AMOTL1: variants seen among roughly 807,000 people sequenced by gnomAD.
AMOTL1 encodes the protein angiomotin like 1.
A neutral mutation model predicts 102.9 loss-of-function variants in AMOTL1; 45 were observed. That is an observed-to-expected ratio of 0.44 (90% confidence interval 0.34 to 0.56). The LOEUF is 0.56. Among genes scored for constraint, AMOTL1 ranks in the 20% least tolerant of loss-of-function variants. The pLI, the probability that AMOTL1 is intolerant of heterozygous loss-of-function variation, is 0.01. For missense variants in AMOTL1, 1,114 were observed against 1,225.6 expected (o/e 0.91, Z 1.36); for synonymous variants, 481 against 484.7 (o/e 0.99, Z 0.10).
intron 1 of AMOTL1, among the ~76,000 whole-genome samples, chr11:94,718,493 T>A (rs1950128987): frequency 6.6e-6 from 1 of 152,020 alleles, no homozygotes; most frequent in African/African-American, 2.4e-5. Flanking sequence ...GATGTGGGGA[T>A]GTGCCAAATT....
intron 1 of AMOTL1, among the ~76,000 whole-genome samples, chr11:94,769,147 G>A (rs1268705113): frequency 6.6e-6 from 1 of 152,234 alleles, no homozygotes; most frequent in East Asian, 1.9e-4. Context: ...CCCCAGACAA[G>A]TTTCTTTGAC....
intron 11 of AMOTL1, among the ~76,000 whole-genome samples, chr11:94,867,318 G>A (rs1952904275): frequency 6.6e-6 from 1 of 152,202 alleles, no homozygotes; most frequent in Non-Finnish European, 1.5e-5. Flanking sequence ...CTGTCCCAAG[G>A]ACATTTAGCT....
At chr11:94,745,740 GC>G (rs1950583185) in intron 3 of AMOTL1, among the ~76,000 whole-genome samples, 1 of 152,154 alleles carries the variant, frequency 6.6e-6, no homozygotes, top group Non-Finnish European at 1.5e-5. Context: ...TTCAGGAAGT[GC>G]TTTTATTTTA....
At chr11:94,735,683 G>A (rs1283311037) in intron 2 of AMOTL1, among the ~76,000 whole-genome samples, 6 of 151,976 alleles carry the variant, frequency 3.9e-5, no homozygotes, top group Non-Finnish European at 5.9e-5. Flanking sequence ...TAAACAATTC[G>A]TATACACATT....
At chr11:94,769,541 TCTTC>T (rs1950914336) in intron 1 of AMOTL1, among the ~76,000 whole-genome samples, 1 of 152,236 alleles carries the variant, frequency 6.6e-6, no homozygotes, top group Admixed American at 6.5e-5. Flanking sequence ...CCCACCCTAC[TCTTC>T]CTATCTTTAC....
In AMOTL1 at chr11:94,829,413, A is replaced by AGG. The variant is rs1290427927; in HGVS notation, c.1414-636_1414-635dup. ...AATATTTGTATTTTTAGTAGAGGCAAGGTTTCACCATGTTGGCCAGACTGC... is the reference window on the plus strand; with the variant it reads ...AATATTTGTATTTTTAGTAGAGGCAAGGGGTTTCACCATGTTGGCCAGACTGC... On this transcript the variant is annotated intron_variant, in intron 4 of 12. Coordinates refer to ENST00000433060, the MANE Select transcript of AMOTL1 (RefSeq NM_130847.3). Among the ~76,000 whole-genome samples, 24 of 152,064 alleles carry AGG rather than the reference A, an allele frequency of 1.6e-4. No individual in the cohort carries two copies. The East Asian group carries it at 4.6e-3, about 29-fold the overall frequency.
At chr11:94,830,432 G>C (rs1952047717) in intron 5 of AMOTL1, among the ~76,000 whole-genome samples, 1 of 152,228 alleles carries the variant, frequency 6.6e-6, no homozygotes, top group Non-Finnish European at 1.5e-5. Context: ...CTGTATGCAT[G>C]AGTCTATCAA....
At chr11:94,774,126 A>G (rs1364310268) in intron 1 of AMOTL1, among the ~76,000 whole-genome samples, 1 of 152,242 alleles carries the variant, frequency 6.6e-6, no homozygotes, top group Non-Finnish European at 1.5e-5. Flanking sequence ...GCAGAGAAGC[A>G]AAACACTTTA....
upstream of AMOTL1, among the ~76,000 whole-genome samples, chr11:94,764,382 A>G (rs1376075008): frequency 4.6e-5 from 7 of 152,184 alleles, no homozygotes; most frequent in African/African-American, 1.7e-4. Flanking sequence ...AAATTTTTAC[A>G]TGCTTTGGTT....
intron 1 of AMOTL1, among the ~76,000 whole-genome samples, chr11:94,716,031 G>T (rs1019003198): frequency 1.3e-5 from 2 of 151,994 alleles, no homozygotes; most frequent in African/African-American, 4.8e-5. Context: ...GAGCCTCTGA[G>T]GCTCTGTTAA....
intron 11 of AMOTL1, among the ~76,000 whole-genome samples, chr11:94,867,067 T>C (rs1952899427): frequency 2.6e-5 from 4 of 152,120 alleles, no homozygotes. Context: ...GATCGTGTTT[T>C]TGTTTCTCTG....
chr11:94,743,438 G>A (rs1017651979), intron 3 of AMOTL1, among the ~76,000 whole-genome samples: 7 of 152,082 alleles, frequency 4.6e-5, no homozygotes, highest in Non-Finnish European at 8.8e-5. Context: ...GGTCAAAGAC[G>A]GAGCTGTCAT....
intron 8 of AMOTL1, among the ~76,000 whole-genome samples, chr11:94,855,572 C>T (rs1196848486): frequency 2.0e-5 from 3 of 152,156 alleles, no homozygotes; most frequent in Admixed American, 6.6e-5. Context: ...GGGCACATCT[C>T]GGTTCTTAGA....
At chr11:94,722,833 A>G (rs1005218857) in intron 1 of AMOTL1, among the ~76,000 whole-genome samples, 2 of 152,188 alleles carry the variant, frequency 1.3e-5, no homozygotes, top group African/African-American at 4.8e-5. Context: ...AAGATGGAAG[A>G]ATAAACTTTA....
At chr11:94,807,742 A>G (rs1340825814) in intron 3 of AMOTL1, among the ~76,000 whole-genome samples, 2 of 151,952 alleles carry the variant, frequency 1.3e-5, no homozygotes, top group African/African-American at 2.4e-5. Flanking sequence ...AAGGTTGCAT[A>G]TGTCACTGTT....
chr11:94,817,708 C>CT (rs1951789584), intron 3 of AMOTL1, among the ~76,000 whole-genome samples: 1 of 152,062 alleles, frequency 6.6e-6, no homozygotes, highest in African/African-American at 2.4e-5. Context: ...TTATAATCAG[C>CT]TATAGGACTC....
chr11:94,845,684 T>G (rs1952397288), intron 6 of AMOTL1, among the ~76,000 whole-genome samples: 1 of 152,206 alleles, frequency 6.6e-6, no homozygotes, highest in African/African-American at 2.4e-5. Context: ...AGCTGCTATG[T>G]GAAGGTGCCA....
chr11:94,839,425 G>A (rs1952251087), intron 6 of AMOTL1, among the ~76,000 whole-genome samples: 1 of 152,236 alleles, frequency 6.6e-6, no homozygotes, highest in Non-Finnish European at 1.5e-5. Context: ...GGCACAGGAA[G>A]ATTAAGTAAC....
chr11:94,797,663 A>G (rs1951393599), intron 2 of AMOTL1, among the ~76,000 whole-genome samples: 1 of 152,200 alleles, frequency 6.6e-6, no homozygotes, highest in South Asian at 2.1e-4. Flanking sequence ...CTTGTCCAAT[A>G]ATTTTCCCAA....
Sources: allele counts gnomAD v4.1 joint callset (sites outside exome capture counted in the v4.1 genomes callset), GRCh38; gene constraint gnomAD v4.1.1; transcripts MANE v1.5; gene names NCBI Gene and HGNC (gene_info 2026-07-23, HGNC 2026-07-21).